Variants in BROX observed in about 807,000 individuals in gnomAD.
BROX encodes the protein BRO1 domain and CAAX motif containing, also known as BRO1 domain-containing protein BROX.
BROX carries 53 observed loss-of-function variants against 61.0 expected under a neutral mutation model. That is an observed-to-expected ratio of 0.87 (90% CI 0.70 to 1.09). BROX has a LOEUF of 1.09. Among genes scored for constraint, BROX ranks in the 50% least tolerant of loss-of-function variants. BROX has a pLI of 0.00. For synonymous variants in BROX, 152 were observed against 160.2 expected, an observed-to-expected ratio of 0.95 and a Z score of 0.38; for missense variants, 489 against 472.0, an observed-to-expected ratio of 1.04 and a Z score of -0.33.
At chr1:222,727,638 C>T (rs926532184) in intron 8 of BROX, among the ~76,000 whole-genome samples, 25 of 152,162 alleles carry the variant, frequency 1.6e-4, no homozygotes, top group Non-Finnish European at 1.5e-4. Context: ...AAGCCTATTA[C>T]TCTTCATTTA....
intron 4 of BROX, among the ~76,000 whole-genome samples, chr1:222,720,076 C>T (rs1021860173): frequency 3.9e-5 from 6 of 152,072 alleles, no homozygotes; most frequent in African/African-American, 9.7e-5. Context: ...TACATTACAA[C>T]GAAAAGAGTA....
At chr1:222,717,024 G>A (rs772305601) in intron 2 of BROX, among the ~76,000 whole-genome samples, 5 of 152,124 alleles carry the variant, frequency 3.3e-5, no homozygotes, top group Admixed American at 1.3e-4. Flanking sequence ...AAGAGTTGCC[G>A]CTTTTATGGG....
chr1:222,732,248 TAC>T (rs1657992294), intron 12 of BROX, among the ~76,000 whole-genome samples: 1 of 152,156 alleles, frequency 6.6e-6, no homozygotes, highest in Non-Finnish European at 1.5e-5. Flanking sequence ...AGTTTTAGGG[TAC>T]ATGTGCACAA....
chr1:222,728,670 A>C, intron 8 of BROX, 73 bp from the exon 9 acceptor site: 1 of 922,610 alleles, frequency 1.1e-6, no homozygotes, highest in East Asian at 2.5e-5. Flanking sequence ...TTTTATCATC[A>C]GAACACATGA....
At chr1:222,732,214 AATTATT>A (rs532711420) in intron 12 of BROX, among the ~76,000 whole-genome samples, 2 of 151,834 alleles carry the variant, frequency 1.3e-5, no homozygotes, top group South Asian at 2.1e-4. Flanking sequence ...TTCTTTTCTT[AATTATT>A]ATTATTATTA....
At chr1:222,714,474 A>G (rs1341521415) in intron 1 of BROX, among the ~76,000 whole-genome samples, 1 of 148,714 alleles carries the variant, frequency 6.7e-6, no homozygotes, top group Non-Finnish European at 1.5e-5. Flanking sequence ...CTGGGATTAC[A>G]GGCGTGAGCC....
chr1:222,729,232 C>T (rs1657750867), intron 9 of BROX, among the ~76,000 whole-genome samples: 1 of 152,128 alleles, frequency 6.6e-6, no homozygotes, highest in Admixed American at 6.5e-5. Flanking sequence ...CTGTTATACC[C>T]ACCAAACTTA....
In BROX at chr1:222,715,776, G is replaced by T; in HGVS notation, c.77G>T (p.Gly26Val). ...VSFNYYGVVT[G>V]PSASKICNDL... is the part of the protein sequence containing the mutation. Reference sequence around the variant, plus strand: ...TTTAATTACTATGGTGTAGTCACTGGCCCTTCTGCTTCAAAAATATGCAAG... The same window carrying T: ...TTTAATTACTATGGTGTAGTCACTGTCCCTTCTGCTTCAAAAATATGCAAG... The change falls in exon 2 of 13, where the codon GGC becomes GTC. Residue 26 changes from glycine (G) to valine (V), a missense_variant. Coordinates refer to ENST00000340934, the MANE Select transcript of BROX (RefSeq NM_144695.4). The T allele has an allele frequency of 6.3e-7, 1 of 1,590,006 alleles. No individual in the cohort carries two copies. The highest frequency in any genetic ancestry group is 8.6e-7 in the Non-Finnish European group (1 of 1,166,260).
At chr1:222,723,310 G>A (rs543855983) in intron 5 of BROX, among the ~76,000 whole-genome samples, 7 of 152,222 alleles carry the variant, frequency 4.6e-5, no homozygotes, top group South Asian at 2.1e-4. Context: ...ATTTTATTTT[G>A]TTTTGTTTTT....
At chr1:222,720,577 C>T (rs920383303) in intron 4 of BROX, among the ~76,000 whole-genome samples, 6 of 151,976 alleles carry the variant, frequency 3.9e-5, no homozygotes, top group East Asian at 1.9e-4. Flanking sequence ...TTTGGGAGAC[C>T]GAGGCAGGCA....
chr1:222,729,596 TA>T, intron 9 of BROX, 23 bp from the exon 10 acceptor site: 1 of 1,587,150 alleles, frequency 6.3e-7, no homozygotes, highest in South Asian at 1.1e-5. Flanking sequence ...AGAGAATGAA[TA>T]AAAAATTTGT....
At chr1:222,720,705 T>C (rs1236538080) in intron 4 of BROX, among the ~76,000 whole-genome samples, 1 of 151,796 alleles carries the variant, frequency 6.6e-6, no homozygotes, top group Non-Finnish European at 1.5e-5. Flanking sequence ...CCCAGCTACT[T>C]GGGAGGCTGA....
rs546543102 is a variant in BROX at position 222,734,969 on chromosome 1, T to G, written c.*2255T>G. ...CTCAGCAAAGGTGACACTTTGTGACTAAAGTATCCCATTATATATAATGTT... is the reference window on the plus strand; with the variant it reads ...CTCAGCAAAGGTGACACTTTGTGACGAAAGTATCCCATTATATATAATGTT... On this transcript the variant is annotated 3_prime_UTR_variant, in exon 13 of 13. Transcript: ENST00000340934. 1 of 152,362 alleles carries G rather than the reference T, an allele frequency of 6.6e-6. No individual in the cohort carries two copies. Among genetic ancestry groups the G allele is most frequent in the East Asian group, 1.9e-4 (1 of 5,192 alleles). 9.4% of individuals were successfully genotyped at this position (152,362 alleles called of 1,614,324 possible).
rs774771458 is a variant in BROX at position 222,725,488 on chromosome 1, A to C, written c.513A>C (p.Lys171Asn). The C allele has an allele frequency of 6.2e-7, 1 of 1,612,414 alleles. No individual in the cohort carries two copies. Among genetic ancestry groups the C allele is most frequent in the Non-Finnish European group, 8.5e-7 (1 of 1,179,346 alleles). ...CAAAACTCATTACACCTGCGGAAAA[A>C]GGAAGAGATTTAGAGTCACGACTCA... is the stretch of plus-strand genomic sequence containing the variant. ...HLPKLITPAE[K>N]GRDLESRLIE... The change falls in exon 7 of 13, where the codon AAA becomes AAC. Residue 171 changes from lysine (K) to asparagine (N), a missense_variant. Transcript: ENST00000340934.
In BROX at chr1:222,718,911, G is replaced by A. The variant is rs1392938786; in HGVS notation, c.102-14G>A. 16 of 1,604,304 alleles carry A rather than the reference G, an allele frequency of 1.0e-5. No individual in the cohort carries two copies. Among genetic ancestry groups the A allele is most frequent in the African/African-American group, 1.3e-5 (1 of 74,590 alleles). On this transcript the variant is annotated splice_polypyrimidine_tract_variant and intron_variant, in intron 2 of 12. Transcript: ENST00000340934. ...GTACAGCTAACTTTACTGTCTTTTT[G>A]TATCTCTTATAAGTGACTTGAGGTC...
At chr1:222,724,272 G>A in intron 6 of BROX, 108 bp downstream of exon 6, 1 of 865,076 alleles carries the variant, frequency 1.2e-6, no homozygotes, top group Non-Finnish European at 1.8e-6. Context: ...TATTAAAAAA[G>A]GTACTATGTG....
chr1:222,717,481 A>G (rs1656722411), intron 2 of BROX, among the ~76,000 whole-genome samples: 1 of 152,238 alleles, frequency 6.6e-6, no homozygotes, highest in Non-Finnish European at 1.5e-5. Flanking sequence ...GTGATGATCA[A>G]GCATCAGTAT....
intron 5 of BROX, among the ~76,000 whole-genome samples, chr1:222,723,829 C>T (rs1197872573): frequency 6.6e-6 from 1 of 152,096 alleles, no homozygotes; most frequent in Non-Finnish European, 1.5e-5. Flanking sequence ...CAGGTGCCTG[C>T]CACCATACCC....
chr1:222,719,754 T>A (rs1347209510), intron 4 of BROX, among the ~76,000 whole-genome samples: 2 of 152,208 alleles, frequency 1.3e-5, no homozygotes, highest in Non-Finnish European at 2.9e-5. Flanking sequence ...TTAGTCTTTG[T>A]CTCATTCTTT....
Sources: gnomAD v4.1 joint callset for allele counts (sites outside exome capture counted in the v4.1 genomes callset) on GRCh38, gnomAD v4.1.1 for gene constraint, MANE v1.5 for transcripts, NCBI Gene and HGNC (gene_info 2026-07-23, HGNC 2026-07-21) for gene names.